PCCA: variants seen among roughly 807,000 people sequenced by gnomAD.
PCCA encodes propionyl-CoA carboxylase subunit alpha.
Under a neutral mutation model 101.3 loss-of-function variants are expected in PCCA, and 74 were observed. The observed-to-expected ratio is 0.73, with a 90% CI of 0.61 to 0.89. The LOEUF (loss-of-function observed/expected upper bound fraction) is 0.89, where lower values mean the gene tolerates loss of function less well. Ranked by LOEUF, PCCA falls within the 40% of genes least tolerant of loss-of-function variation. The pLI is 0.00. For missense variants in PCCA, 891 were observed against 907.0 expected (o/e 0.98, Z 0.23); for synonymous variants, 294 against 313.6 (o/e 0.94, Z 0.66).
At chr13:100,202,618 T>G (rs2058596293) in intron 6 of PCCA, among the ~76,000 whole-genome samples, 1 of 151,758 alleles carries the variant, frequency 6.6e-6, no homozygotes, top group Admixed American at 6.6e-5. Flanking sequence ...GTAAATTTTC[T>G]TGAGTTGTAT....
intron 18 of PCCA, among the ~76,000 whole-genome samples, chr13:100,363,105 AT>A (rs950969294): frequency 5.3e-5 from 8 of 152,080 alleles, no homozygotes; most frequent in South Asian, 2.1e-4. Flanking sequence ...TCTGTAAAGA[AT>A]TTTTTTTGAA....
chr13:100,471,767 G>GT (rs1401748219), intron 21 of PCCA, among the ~76,000 whole-genome samples: 1 of 152,208 alleles, frequency 6.6e-6, no homozygotes, highest in African/African-American at 2.4e-5. Context: ...TGTGTTCTGT[G>GT]TGCAGACACA....
At chr13:100,090,236 G>A (rs572769803) in intron 1 of PCCA, among the ~76,000 whole-genome samples, 3 of 152,364 alleles carry the variant, frequency 2.0e-5, no homozygotes, top group South Asian at 4.1e-4. Flanking sequence ...CAGGTGGGCA[G>A]TATGAGAGCT....
Position 100,262,806 on chromosome 13 carries a change from A to T in PCCA, c.794A>T (p.Asp265Val). ...DDRLLIEKFIDNPRHIEIQVL... is the reference protein window; with the variant it reads ...DDRLLIEKFIVNPRHIEIQVL... ...AGACTACTAATAGAAAAATTTATTGATAATCCTCGTCATATAGAAATCCAG... is the reference window on the plus strand; with the variant it reads ...AGACTACTAATAGAAAAATTTATTGTTAATCCTCGTCATATAGAAATCCAG... Residue 265 changes from aspartate (D) to valine (V), a missense_variant, in exon 10 of 24, where the codon GAT becomes GTT. Coordinates refer to ENST00000376285, the MANE Select transcript of PCCA (RefSeq NM_000282.4). 6.7e-7 allele frequency: 1 copy of T among 1,500,712 alleles called. No homozygotes were observed. Among genetic ancestry groups the T allele is most frequent in the Non-Finnish European group, 9.3e-7 (1 of 1,078,690 alleles). 93.0% of individuals were successfully genotyped at this position (1,500,712 alleles called of 1,614,324 possible). A position where few individuals can be genotyped will look rare whatever the true frequency, so the allele number is the denominator to read the frequency against.
intron 18 of PCCA, among the ~76,000 whole-genome samples, chr13:100,352,838 AC>A (rs1309421620): frequency 1.3e-5 from 2 of 152,134 alleles, no homozygotes; most frequent in Non-Finnish European, 1.5e-5. Context: ...AGGAACTAGG[AC>A]TACAGATGTA....
intron 6 of PCCA, among the ~76,000 whole-genome samples, chr13:100,157,861 A>G (rs758761512): frequency 6.6e-6 from 1 of 152,206 alleles, no homozygotes; most frequent in Non-Finnish European, 1.5e-5. Flanking sequence ...AGGTACTAGA[A>G]TATGATTTTG....
chr13:100,197,365 A>T (rs2058178504), intron 6 of PCCA, among the ~76,000 whole-genome samples: 1 of 151,686 alleles, frequency 6.6e-6, no homozygotes, highest in Admixed American at 6.6e-5. Flanking sequence ...TTAATTTTTA[A>T]ATTTTTTTTT....
chr13:100,256,532 T>A (rs16957258), intron 8 of PCCA, among the ~76,000 whole-genome samples: 2,140 of 152,230 alleles, frequency 0.014, 22 homozygotes, highest in Middle Eastern at 0.024. Flanking sequence ...CAGAAAAAAA[T>A]TTTAATTGAA....
Position 100,444,544 on chromosome 13 carries a change from G to A in PCCA, c.1846-4708G>A, listed in dbSNP as rs9634521. 5.1e-3 allele frequency among the ~76,000 whole-genome samples: 670 copies of A among 132,554 alleles called. 33 individuals are homozygous for A. The East Asian group carries it at 0.12, about 24-fold the overall frequency. 87.0% of individuals were successfully genotyped at this position (132,554 alleles called of 152,430 possible). A position where few individuals can be genotyped will look rare whatever the true frequency, so the allele number is the denominator to read the frequency against. ...TGCAAGCTCTGCCTCCCGGGTTCAC[G>A]CCATTCTCCTGCCTCAGCCTCCCGA... On this transcript the variant is annotated intron_variant, in intron 20 of 23. Transcript: ENST00000376285.
At chr13:100,192,431 A>G (rs996318795) in intron 6 of PCCA, among the ~76,000 whole-genome samples, 49 of 152,210 alleles carry the variant, frequency 3.2e-4, no homozygotes, top group Middle Eastern at 6.3e-3. Context: ...GAATGAATAC[A>G]TGACTGTGTT....
intron 4 of PCCA, among the ~76,000 whole-genome samples, chr13:100,146,319 G>A (rs965382764): frequency 6.6e-6 from 1 of 150,832 alleles, no homozygotes; most frequent in African/African-American, 2.4e-5. Flanking sequence ...GCTCATGCCT[G>A]TAATCCCAGC....
At chr13:100,340,843 A>G (rs2071199318) in intron 18 of PCCA, among the ~76,000 whole-genome samples, 2 of 152,218 alleles carry the variant, frequency 1.3e-5, no homozygotes, top group African/African-American at 4.8e-5. Flanking sequence ...TGCTGGAGCA[A>G]TCCCTTTAAA....
At chr13:100,351,861 A>G (rs1480616067) in intron 18 of PCCA, among the ~76,000 whole-genome samples, 1 of 152,178 alleles carries the variant, frequency 6.6e-6, no homozygotes, top group Non-Finnish European at 1.5e-5. Context: ...AATATGTTCA[A>G]TGAAATTTGT....
intron 21 of PCCA, among the ~76,000 whole-genome samples, chr13:100,467,654 G>C (rs1364190047): frequency 6.6e-6 from 1 of 152,226 alleles, no homozygotes; most frequent in Admixed American, 6.5e-5. Flanking sequence ...ACAGGCGTGA[G>C]CCACCGCGCC....
At chr13:100,479,658 G>T (rs779097793) in intron 21 of PCCA, 1 of 152,164 alleles carries the variant, frequency 6.6e-6, no homozygotes, top group Non-Finnish European at 1.5e-5. Flanking sequence ...GGAGGAGGGG[G>T]CTTGATCTTG....
chr13:100,415,018 C>A (rs541652706), intron 19 of PCCA, among the ~76,000 whole-genome samples: 1 of 152,138 alleles, frequency 6.6e-6, no homozygotes, highest in African/African-American at 2.4e-5. Context: ...CTATAAATTA[C>A]ATAATTTATA....
At chr13:100,517,196 A>G (rs1207571637) in intron 22 of PCCA, among the ~76,000 whole-genome samples, 5 of 152,000 alleles carry the variant, frequency 3.3e-5, no homozygotes, top group Non-Finnish European at 7.4e-5. Flanking sequence ...TCAAGCCTGG[A>G]GGGCAAGAGG....
intron 19 of PCCA, among the ~76,000 whole-genome samples, chr13:100,390,624 C>G (rs2076753818): frequency 2.0e-5 from 3 of 152,016 alleles, no homozygotes; most frequent in African/African-American, 4.8e-5. Flanking sequence ...GTCAGAAAAC[C>G]CAAGAAGTTG....
chr13:100,470,904 T>TGCTA (rs2082961063), intron 21 of PCCA, among the ~76,000 whole-genome samples: 1 of 152,134 alleles, frequency 6.6e-6, no homozygotes, highest in Admixed American at 6.5e-5. Flanking sequence ...ACAAGGCTAT[T>TGCTA]TCACTTTCCT....
Sources: gnomAD v4.1 joint callset for allele counts (sites outside exome capture counted in the v4.1 genomes callset) on GRCh38, gnomAD v4.1.1 for gene constraint, MANE v1.5 for transcripts, NCBI Gene and HGNC (gene_info 2026-07-23, HGNC 2026-07-21) for gene names.